Variants in TMEM272 observed in about 807,000 individuals in gnomAD.
TMEM272 encodes transmembrane protein 272, also known as long intergenic non-protein coding RNA 282.
Under a neutral mutation model 3.7 loss-of-function variants are expected in TMEM272, and 8 were observed. That is an observed-to-expected ratio of 2.17 (90% CI 1.27 to 3.91). The LOEUF (loss-of-function observed/expected upper bound fraction) is 3.91, where lower values mean the gene tolerates loss of function less well. Ranked by LOEUF, TMEM272 falls within the 30% of genes most tolerant of loss-of-function variation. The pLI is 0.00. For synonymous variants in TMEM272, 63 were observed against 39.8 expected, an observed-to-expected ratio of 1.58 and a Z score of -2.20; for missense variants, 166 against 91.5, an observed-to-expected ratio of 1.81 and a Z score of -3.32.
chr13:51,931,299 CAA>C, the TMEM272 span, among the ~76,000 whole-genome samples: 7,984 of 118,940 alleles, frequency 0.067, 212 homozygotes, highest in Middle Eastern at 0.13. Flanking sequence ...GAGTTCGTCT[CAA>C]AAAAAAAAAA....
chr13:51,925,207 T>C, the TMEM272 span, among the ~76,000 whole-genome samples: 4 of 152,198 alleles, frequency 2.6e-5, no homozygotes, highest in Non-Finnish European at 5.9e-5. Flanking sequence ...GCAAAGCAGC[T>C]TGAGGACAGG....
At chr13:51,828,674 T>C (rs1310053164) in intron 2 of TMEM272, among the ~76,000 whole-genome samples, 1 of 152,188 alleles carries the variant, frequency 6.6e-6, no homozygotes, top group Non-Finnish European at 1.5e-5. Context: ...TCTAAATAAA[T>C]TTCTCTCGAA....
the TMEM272 span, among the ~76,000 whole-genome samples, chr13:51,898,712 A>T: frequency 6.6e-6 from 1 of 151,318 alleles, no homozygotes; most frequent in African/African-American, 2.4e-5. Context: ...GCTTAGACTT[A>T]TATCTTTTTC....
the TMEM272 span, among the ~76,000 whole-genome samples, chr13:51,926,538 G>C: frequency 1.4e-5 from 2 of 143,426 alleles, no homozygotes; most frequent in African/African-American, 5.1e-5. Flanking sequence ...AGAGCAGCCT[G>C]AATGTTTAGG....
the TMEM272 span, chr13:51,909,001 G>C: frequency 1.4e-6 from 2 of 1,452,086 alleles, no homozygotes; most frequent in Admixed American, 1.7e-5. Context: ...AGTCTCAGTG[G>C]ACCCTCCAAC....
Position 51,838,526 on chromosome 13 carries a change from GGCATTGTTCTTGCTCGCT to G in TMEM272, c.-14_4del. ...ATGACACGTTTTCTCCAGACCTCCT[GGCATTGTTCTTGCTCGCT>G]GACAAAGTTCTGAGGATCAAAAATA... On this transcript the variant is annotated start_lost and 5_prime_UTR_variant, in exon 2 of 5. Coordinates refer to ENST00000629372, the MANE Select transcript of TMEM272 (RefSeq NM_001351003.2). 1.4e-6 allele frequency: 1 copy of G among 703,024 alleles called. No homozygotes were observed. Among genetic ancestry groups the G allele is most frequent in the Non-Finnish European group, 2.6e-6 (1 of 385,004 alleles). 43.5% of individuals were successfully genotyped at this position (703,024 alleles called of 1,614,324 possible).
chr13:51,899,216 C>T, the TMEM272 span, among the ~76,000 whole-genome samples: 2 of 151,934 alleles, frequency 1.3e-5, no homozygotes, highest in African/African-American at 4.8e-5. Flanking sequence ...TATATACTAG[C>T]GATGAATAAT....
At chr13:51,858,204 G>A in the TMEM272 span, among the ~76,000 whole-genome samples, 1 of 152,284 alleles carries the variant, frequency 6.6e-6, no homozygotes, top group Non-Finnish European at 1.5e-5. Flanking sequence ...TAAGGATATA[G>A]AAGATTTGAA....
At chr13:51,883,092 G>A in the TMEM272 span, among the ~76,000 whole-genome samples, 1 of 152,254 alleles carries the variant, frequency 6.6e-6, no homozygotes, top group Non-Finnish European at 1.5e-5. Context: ...AGCAACCGTG[G>A]AGCCCCAAGG....
the TMEM272 span, among the ~76,000 whole-genome samples, chr13:51,864,611 T>C: frequency 1.0e-3 from 155 of 152,322 alleles, no homozygotes; most frequent in South Asian, 3.3e-3. Flanking sequence ...GGGATGGTCA[T>C]TGGATTGTTT....
intron 4 of TMEM272, 115 bp from the exon 5 acceptor site, chr13:51,817,228 G>A: frequency 1.7e-6 from 1 of 600,654 alleles, no homozygotes; most frequent in South Asian, 2.0e-5. Flanking sequence ...AGAGGAGAGA[G>A]AGGAAGGTGT....
At chr13:51,870,680 T>C in the TMEM272 span, among the ~76,000 whole-genome samples, 2 of 152,136 alleles carry the variant, frequency 1.3e-5, no homozygotes, top group Non-Finnish European at 2.9e-5. Flanking sequence ...AAATAATAAA[T>C]CTGAATTCTA....
chr13:51,909,063 G>A, the TMEM272 span: 2 of 1,479,330 alleles, frequency 1.4e-6, no homozygotes, highest in Non-Finnish European at 1.9e-6. Flanking sequence ...CCGACCCAAT[G>A]GTGAGGGACC....
chr13:51,885,531 A>C, the TMEM272 span, among the ~76,000 whole-genome samples: 6 of 152,222 alleles, frequency 3.9e-5, 1 homozygote, highest in African/African-American at 9.6e-5. Flanking sequence ...CTACCACCGG[A>C]TCCCTCCCAC....
At chr13:51,843,692 GAACA>G (rs1956280504) in intron 1 of TMEM272, among the ~76,000 whole-genome samples, 1 of 152,310 alleles carries the variant, frequency 6.6e-6, no homozygotes, top group East Asian at 1.9e-4. Context: ...TCTCCAGTGT[GAACA>G]AACAGTGACT....
rs576287544 is a variant in TMEM272 at position 51,815,342 on chromosome 13, A to T, written c.*1409T>A. The T allele has an allele frequency of 1.2e-4, 19 of 152,730 alleles. No homozygotes were observed. The highest frequency in any genetic ancestry group is 4.1e-4 in the African/African-American group (17 of 41,540). 9.5% of individuals were successfully genotyped at this position (152,730 alleles called of 1,614,324 possible). A position where few individuals can be genotyped will look rare whatever the true frequency, so the allele number is the denominator to read the frequency against. On this transcript the variant is annotated 3_prime_UTR_variant, in exon 5 of 5. Coordinates refer to ENST00000629372, the MANE Select transcript of TMEM272 (RefSeq NM_001351003.2). ...TCTTCTCACCTGGGAGGAAAGGGGG[A>T]CTAACGGTGACTGCCCGGGGAGTGC...
At position 51,838,586 on chromosome 13, in the gene TMEM272, G is replaced by A. The variant is rs1956235402; in HGVS notation, c.-23-33C>T. On this transcript the variant is annotated intron_variant, in intron 1 of 4. Coordinates refer to ENST00000629372, the MANE Select transcript of TMEM272 (RefSeq NM_001351003.2). The stretch of plus-strand genomic sequence containing the variant: ...TCAAAAATAATTCATTAGAAAGGAT[G>A]GTGGAAGGATTTACTCAGCACCAAT... 42 of 702,914 alleles carry A rather than the reference G, an allele frequency of 6.0e-5. No individual in the cohort carries two copies. In the South Asian group the frequency reaches 6.2e-4, roughly 10 times the overall value. The allele number at this position is 702,914 out of a possible 1,614,324, so 43.5% of individuals were successfully genotyped here.
chr13:51,819,971 T>C (rs531716875), intron 4 of TMEM272, among the ~76,000 whole-genome samples: 1 of 152,330 alleles, frequency 6.6e-6, no homozygotes, highest in South Asian at 2.1e-4. Context: ...TTTATGCTGT[T>C]GCTCTGGCAG....
intron 2 of TMEM272, among the ~76,000 whole-genome samples, chr13:51,834,808 G>A (rs762286572): frequency 2.0e-5 from 3 of 152,186 alleles, no homozygotes; most frequent in East Asian, 3.8e-4. Flanking sequence ...GCACTTGTCC[G>A]TTTCATTGAG....
Sources: allele counts gnomAD v4.1 joint callset (sites outside exome capture counted in the v4.1 genomes callset), GRCh38; gene constraint gnomAD v4.1.1; transcripts MANE v1.5; gene names NCBI Gene and HGNC (gene_info 2026-07-23, HGNC 2026-07-21).